Variants in MAGI3 observed in about 807,000 individuals in gnomAD.
The protein encoded by MAGI3 is membrane-associated guanylate kinase, WW and PDZ domain-containing protein 3.
MAGI3 carries 43 observed loss-of-function variants against 121.8 expected under a neutral mutation model. The ratio of observed to expected loss-of-function variants is 0.35; its 90% CI spans 0.28 to 0.46. MAGI3 has a LOEUF of 0.46. MAGI3 is among the 20% of genes least tolerant of loss of function. MAGI3 has a pLI of 1.00. For missense variants in MAGI3, 1,547 were observed against 1,797.3 expected, an observed-to-expected ratio of 0.86 and a Z score of 2.52; for synonymous variants, 553 against 639.3, an observed-to-expected ratio of 0.86 and a Z score of 2.04.
At chr1:113,541,856 C>T (rs1659302252) in intron 1 of MAGI3, among the ~76,000 whole-genome samples, 1 of 152,198 alleles carries the variant, frequency 6.6e-6, no homozygotes, top group Non-Finnish European at 1.5e-5. Flanking sequence ...TGTGTGGACT[C>T]TTCCTCACTT....
At chr1:113,654,097 A>T in intron 15 of MAGI3, 79 bp downstream of exon 15, 1 of 1,167,052 alleles carries the variant, frequency 8.6e-7, no homozygotes, top group Non-Finnish European at 1.2e-6. Flanking sequence ...TGAAATAATT[A>T]GGAGCTATGT....
At chr1:113,644,766 A>G (rs1175583726) in intron 11 of MAGI3, among the ~76,000 whole-genome samples, 1 of 152,228 alleles carries the variant, frequency 6.6e-6, no homozygotes, top group Non-Finnish European at 1.5e-5. Flanking sequence ...TTGTGGAAGA[A>G]ACTCTACAAG....
rs574160602 is a variant in MAGI3, at chr1:113,493,212, A to C, written c.317-56303A>C. On this transcript the variant is annotated intron_variant, in intron 1 of 20. Transcript: ENST00000307546. ...GCAGACAGATAGACCAATGGAATGGATTAGAGAACCCAGAAATAAGGCCAT... is the reference window on the plus strand; with the variant it reads ...GCAGACAGATAGACCAATGGAATGGCTTAGAGAACCCAGAAATAAGGCCAT... Among the ~76,000 whole-genome samples, 7 of 152,294 alleles carry C rather than the reference A, an allele frequency of 4.6e-5. No homozygotes were observed. In the South Asian group the frequency reaches 1.2e-3, roughly 27 times the overall value.
intron 1 of MAGI3, among the ~76,000 whole-genome samples, chr1:113,451,697 CG>C (rs1654493822): frequency 6.6e-6 from 1 of 152,058 alleles, no homozygotes; most frequent in South Asian, 2.1e-4. Context: ...CTGGGGAACA[CG>C]GCATTAAGAA....
At chr1:113,630,788 A>G (rs1230666) in intron 9 of MAGI3, among the ~76,000 whole-genome samples, 137,551 of 152,016 alleles carry the variant, frequency 0.9, 62,495 homozygotes, top group East Asian at 1. Flanking sequence ...GGTGGCTGCT[A>G]CCGGGAGCTA....
intron 1 of MAGI3, among the ~76,000 whole-genome samples, chr1:113,436,606 C>G (rs78226786): frequency 6.6e-6 from 1 of 151,964 alleles, no homozygotes; most frequent in African/African-American, 2.4e-5. Context: ...AACCATTGAG[C>G]TGGGTAATGT....
At chr1:113,454,706 T>C (rs1654660688) in intron 1 of MAGI3, among the ~76,000 whole-genome samples, 1 of 152,120 alleles carries the variant, frequency 6.6e-6, no homozygotes, top group South Asian at 2.1e-4. Flanking sequence ...CTATGTGTTC[T>C]CATTGTTCAA....
At chr1:113,472,734 TTG>T (rs35390645) in intron 1 of MAGI3, among the ~76,000 whole-genome samples, 78,023 of 138,964 alleles carry the variant, frequency 0.56, 21,268 homozygotes, top group African/African-American at 0.69. Flanking sequence ...TCTACTACAG[TTG>T]TGTGTGTGTG....
At chr1:113,476,037 G>A (rs1296585240) in intron 1 of MAGI3, among the ~76,000 whole-genome samples, 1 of 152,172 alleles carries the variant, frequency 6.6e-6, no homozygotes, top group African/African-American at 2.4e-5. Flanking sequence ...AGTATTCTCT[G>A]ATGGTAGTTT....
intron 1 of MAGI3, among the ~76,000 whole-genome samples, chr1:113,454,177 A>T (rs902857071): frequency 1.2e-4 from 18 of 152,220 alleles, no homozygotes; most frequent in Admixed American, 9.8e-4. Flanking sequence ...AACAAAACTG[A>T]AAAAGCCATT....
intron 19 of MAGI3, among the ~76,000 whole-genome samples, chr1:113,679,293 C>T (rs918321223): frequency 1.3e-5 from 2 of 152,050 alleles, no homozygotes; most frequent in Admixed American, 1.3e-4. Context: ...CTGTTGTTCT[C>T]ATCTTTGTGT....
chr1:113,466,789 G>T (rs940059851), intron 1 of MAGI3, among the ~76,000 whole-genome samples: 2 of 151,688 alleles, frequency 1.3e-5, no homozygotes, highest in African/African-American at 4.8e-5. Context: ...CTATTTCTGT[G>T]GTCTGAGTTG....
At chr1:113,583,955 G>T (rs908296211) in intron 3 of MAGI3, among the ~76,000 whole-genome samples, 2 of 152,216 alleles carry the variant, frequency 1.3e-5, no homozygotes, top group South Asian at 2.1e-4. Flanking sequence ...AACTTCCAAA[G>T]AATTCATGTT....
rs561788452 is a variant in MAGI3, at chr1:113,538,542, G to GT, written c.317-10965dup. ...CAGGATAACACTTCTAAAATGCTGG[G>GT]TTTTTTTTAAGTACTAAATGTTCAT... On this transcript the variant is annotated intron_variant, in intron 1 of 20. Transcript: ENST00000307546. 2.6e-5 allele frequency among the ~76,000 whole-genome samples: 4 copies of GT among 151,878 alleles called. No individual in the cohort carries two copies. In the South Asian group the frequency reaches 6.2e-4, roughly 24 times the overall value.
At position 113,646,607 on chromosome 1, in the gene MAGI3, T is replaced by C; in HGVS notation, c.2120T>C (p.Val707Ala). Residue 707 changes from valine (V) to alanine (A), a missense_variant, in exon 12 of 21, where the codon GTC becomes GCC. Transcript: ENST00000307546. ...TCCCCAAAATTGGATCCTTCTGAGG[T>C]CTACCTGAAATCTAAGACTTTATAT... ...SGSPKLDPSE[V>A]YLKSKTLYED... is the part of the protein sequence containing the mutation. 6.2e-7 allele frequency: 1 copy of C among 1,607,430 alleles called. No individual in the cohort carries two copies. The highest frequency in any genetic ancestry group is 1.1e-5 in the South Asian group (1 of 89,906).
chr1:113,485,024 G>A (rs1460112519), intron 1 of MAGI3, among the ~76,000 whole-genome samples: 3 of 151,854 alleles, frequency 2.0e-5, no homozygotes, highest in Non-Finnish European at 2.9e-5. Flanking sequence ...GAACCACCAC[G>A]CCTAACCCAT....
intron 20 of MAGI3, chr1:113,682,273 C>T (rs376886717): frequency 1.2e-6 from 2 of 1,607,834 alleles, no homozygotes; most frequent in African/African-American, 2.7e-5. Flanking sequence ...GCTTTCAGGG[C>T]TTTTCTTGGT....
In MAGI3 at chr1:113,503,335, G is replaced by A. The variant is rs1262779882; in HGVS notation, c.317-46180G>A. Among the ~76,000 whole-genome samples, 20 of 119,652 alleles carry A rather than the reference G, an allele frequency of 1.7e-4. 1 individual carries two copies. The highest frequency in any genetic ancestry group is 1.6e-3 in the Admixed American group (18 of 11,604). 78.5% of individuals were successfully genotyped at this position (119,652 alleles called of 152,430 possible). Reference sequence around the variant, plus strand: ...AAAAAAAAAAAAAAAAAAAAAAAAGGCTTAATTGATTGAACCAGATTCGAG... The same window carrying A: ...AAAAAAAAAAAAAAAAAAAAAAAAGACTTAATTGATTGAACCAGATTCGAG... On this transcript the variant is annotated intron_variant, in intron 1 of 20. Transcript: ENST00000307546.
At chr1:113,657,411 C>T (rs1286165356) in intron 15 of MAGI3, among the ~76,000 whole-genome samples, 1 of 152,184 alleles carries the variant, frequency 6.6e-6, no homozygotes, top group Non-Finnish European at 1.5e-5. Flanking sequence ...AGACAACCAG[C>T]CCTTTAGGAA....
Sources: allele counts gnomAD v4.1 joint callset (sites outside exome capture counted in the v4.1 genomes callset), GRCh38; gene constraint gnomAD v4.1.1; transcripts MANE v1.5; gene names NCBI Gene and HGNC (gene_info 2026-07-23, HGNC 2026-07-21).